The following FSTL4 variants were observed in gnomAD, a reference collection of about 807,000 sequenced individuals.
The protein encoded by FSTL4 is follistatin-related protein 4.
Under a neutral mutation model 78.2 loss-of-function variants are expected in FSTL4, and 28 were observed. That is an observed-to-expected ratio of 0.36 (90% CI 0.27 to 0.49). The LOEUF is 0.49. FSTL4 is among the 20% of genes least tolerant of loss of function. The pLI, the probability that FSTL4 is intolerant of heterozygous loss-of-function variation, is 0.98. For synonymous variants in FSTL4, 422 were observed against 440.5 expected (o/e 0.96, Z 0.53); for missense variants, 922 against 1,084.9 (o/e 0.85, Z 2.11).
chr5:133,593,766 T>G (rs1196403246), intron 2 of FSTL4, among the ~76,000 whole-genome samples: 1 of 152,200 alleles, frequency 6.6e-6, no homozygotes. Context: ...TATGCCCACT[T>G]TTCTTTAGGC....
At chr5:133,656,967 A>T in the FSTL4 span, among the ~76,000 whole-genome samples, 1 of 152,166 alleles carries the variant, frequency 6.6e-6, no homozygotes. Context: ...AGAATTAATG[A>T]TGGAATGGTC....
chr5:133,615,073 C>A (rs962977383), upstream of FSTL4, among the ~76,000 whole-genome samples: 1 of 152,176 alleles, frequency 6.6e-6, no homozygotes, highest in Non-Finnish European at 1.5e-5. Flanking sequence ...TCAGGATACT[C>A]AGAGATGACA....
the FSTL4 span, among the ~76,000 whole-genome samples, chr5:133,836,953 G>T: frequency 3.3e-5 from 5 of 152,006 alleles, no homozygotes; most frequent in African/African-American, 9.7e-5. Context: ...CTATGTGGGG[G>T]TTCATAGTGC....
rs1021454469 is a variant in FSTL4, at chr5:133,198,488, T to A, written c.*607A>T. ...CATTTGAGATTATAAAATTTTTTTT[T>A]AATCAAAAATTTCCAAAATAAAGTG... On this transcript the variant is annotated 3_prime_UTR_variant, in exon 16 of 16. Transcript: ENST00000265342. The A allele has an allele frequency of 2.6e-5, 4 of 152,638 alleles. No individual in the cohort carries two copies. The highest frequency in any genetic ancestry group is 7.2e-5 in the African/African-American group (3 of 41,554). 9.5% of individuals were successfully genotyped at this position (152,638 alleles called of 1,614,324 possible). A position where few individuals can be genotyped will look rare whatever the true frequency, so the allele number is the denominator to read the frequency against.
intron 2 of FSTL4, among the ~76,000 whole-genome samples, chr5:133,568,289 T>C (rs752394868): frequency 1.2e-4 from 19 of 152,196 alleles, no homozygotes; most frequent in Non-Finnish European, 1.5e-4. Flanking sequence ...TGAAAGTCCA[T>C]ACTAGCAACT....
At chr5:133,830,366 G>T in the FSTL4 span, among the ~76,000 whole-genome samples, 1 of 152,222 alleles carries the variant, frequency 6.6e-6, no homozygotes, top group Non-Finnish European at 1.5e-5. Context: ...ATGGCTAGAA[G>T]TAGCTCTCAG....
chr5:133,239,125 C>G (rs1230356839), intron 7 of FSTL4, among the ~76,000 whole-genome samples: 1 of 152,214 alleles, frequency 6.6e-6, no homozygotes, highest in Non-Finnish European at 1.5e-5. Context: ...GGGCTTAGCA[C>G]CTGGGCCAGC....
chr5:133,337,901 G>C (rs769165516), intron 4 of FSTL4, among the ~76,000 whole-genome samples: 1 of 152,138 alleles, frequency 6.6e-6, no homozygotes, highest in Non-Finnish European at 1.5e-5. Context: ...TTGGAGGATA[G>C]GATACTGTTT....
At chr5:133,839,856 G>C in the FSTL4 span, among the ~76,000 whole-genome samples, 4 of 152,308 alleles carry the variant, frequency 2.6e-5, no homozygotes, top group Admixed American at 6.5e-5. Flanking sequence ...TTTTTAAAAG[G>C]CTTTTGTTTA....
intron 3 of FSTL4, among the ~76,000 whole-genome samples, chr5:133,518,830 A>G (rs1367443986): frequency 6.6e-6 from 1 of 152,212 alleles, no homozygotes; most frequent in Non-Finnish European, 1.5e-5. Flanking sequence ...AATTGGCTAC[A>G]ATGCAAATTT....
intron 6 of FSTL4, among the ~76,000 whole-genome samples, chr5:133,251,875 C>T (rs1561644115): frequency 6.6e-6 from 1 of 152,152 alleles, no homozygotes; most frequent in East Asian, 1.9e-4. Context: ...CTGTGGGAGG[C>T]CTTGCTTGGG....
rs535265754 is a variant in FSTL4 at position 133,357,578 on chromosome 5, G to A, written c.410-40926C>T. ...AGGCTTAAAGCTGACATCATCCCTT[G>A]TAAAGCAAAATGGAATTCTTCCCAA... On this transcript the variant is annotated intron_variant, in intron 4 of 15. Coordinates refer to ENST00000265342, the MANE Select transcript of FSTL4 (RefSeq NM_015082.2). Among the ~76,000 whole-genome samples, 14 of 152,302 alleles carry A rather than the reference G, an allele frequency of 9.2e-5. No individual in the cohort carries two copies. The East Asian group carries it at 1.9e-3, about 21-fold the overall frequency.
the FSTL4 span, among the ~76,000 whole-genome samples, chr5:133,753,609 C>G: frequency 6.6e-6 from 1 of 151,938 alleles, no homozygotes; most frequent in Non-Finnish European, 1.5e-5. Flanking sequence ...GCCAGCTGTA[C>G]CACTCAATAA....
intron 4 of FSTL4, among the ~76,000 whole-genome samples, chr5:133,318,949 G>C (rs1580611685): frequency 2.0e-5 from 3 of 152,208 alleles, no homozygotes; most frequent in African/African-American, 7.2e-5. Flanking sequence ...AGTTCTTGGG[G>C]TCACCAGCTG....
chr5:133,546,505 CAAAAAAA>C (rs71581365), intron 3 of FSTL4, among the ~76,000 whole-genome samples: 29,954 of 75,310 alleles, frequency 0.4, 3,052 homozygotes, highest in South Asian at 0.5. Context: ...GACTTTGTCT[CAAAAAAA>C]AAAAAAAAAA....
chr5:133,538,476 G>GT (rs1293341738), intron 3 of FSTL4, among the ~76,000 whole-genome samples: 6 of 152,040 alleles, frequency 3.9e-5, no homozygotes, highest in Non-Finnish European at 8.8e-5. Flanking sequence ...AAAAAGTAAT[G>GT]TGTGGAGAAA....
At chr5:133,264,070 T>C (rs1752592719) in intron 6 of FSTL4, among the ~76,000 whole-genome samples, 1 of 152,148 alleles carries the variant, frequency 6.6e-6, no homozygotes, top group East Asian at 1.9e-4. Context: ...GTATTTTTGG[T>C]TGTCACAACT....
chr5:133,567,304 C>T, intron 2 of FSTL4, 85 bp from the exon 3 acceptor site: 3 of 990,140 alleles, frequency 3.0e-6, no homozygotes, highest in Non-Finnish European at 4.8e-6. Context: ...TTGTTAGTCA[C>T]ACATTTATGA....
the FSTL4 span, among the ~76,000 whole-genome samples, chr5:133,679,495 G>A: frequency 9.2e-5 from 14 of 152,052 alleles, 1 homozygote; most frequent in Admixed American, 9.2e-4. Context: ...CATTTCCTAG[G>A]AACCTGGGTA....
Sources: gnomAD v4.1 joint callset for allele counts (sites outside exome capture counted in the v4.1 genomes callset) on GRCh38, gnomAD v4.1.1 for gene constraint, MANE v1.5 for transcripts, NCBI Gene and HGNC (gene_info 2026-07-23, HGNC 2026-07-21) for gene names.